CDYL: variants seen among roughly 807,000 people sequenced by gnomAD.
CDYL encodes the protein chromodomain Y like, also known as chromodomain Y-like protein.
Under a neutral mutation model 47.3 loss-of-function variants are expected in CDYL, and 8 were observed. That is an observed-to-expected ratio of 0.17 (90% CI 0.10 to 0.31). The LOEUF (loss-of-function observed/expected upper bound fraction) is 0.31. CDYL is among the 10% of genes least tolerant of loss of function. CDYL has a pLI of 1.00. For synonymous variants in CDYL, 266 were observed against 265.0 expected (o/e 1.00, Z -0.04); for missense variants, 471 against 701.4 (o/e 0.67, Z 3.71).
At chr6:4,938,707 A>G (rs1758276477) in intron 4 of CDYL, among the ~76,000 whole-genome samples, 1 of 152,212 alleles carries the variant, frequency 6.6e-6, no homozygotes, top group African/African-American at 2.4e-5. Context: ...TATTTCATAT[A>G]TACACACAAA....
chr6:4,706,486 T>C (rs528033583), intron 1 of CDYL, among the ~76,000 whole-genome samples: 3 of 152,094 alleles, frequency 2.0e-5, no homozygotes, highest in South Asian at 4.2e-4. Context: ...TTATAGAGAA[T>C]TTAAGAGTTT....
intron 2 of CDYL, among the ~76,000 whole-genome samples, chr6:4,902,038 C>T (rs147672481): frequency 4.6e-5 from 7 of 152,238 alleles, no homozygotes; most frequent in African/African-American, 1.4e-4. Context: ...TTCATCTAAA[C>T]TCTGTAACCT....
In CDYL at chr6:4,935,670, A is replaced by G. The variant is rs1758170589; in HGVS notation, c.847A>G (p.Ser283Gly). The change falls in exon 3 of 7, where the codon AGT (serine) becomes GGT (glycine). Residue 283 changes from serine (S) to glycine (G), a missense_variant. Ser to Gly is a moderately conservative substitution (Grantham distance 56). Transcript: ENST00000397588. Reference protein sequence around the residue: ...RLRFSVRQTESAYRYRDIVVR... With the variant: ...RLRFSVRQTEGAYRYRDIVVR... ...GCGTTTCAGCGTGAGGCAAACAGAA[A>G]GTGCCTACAGATACAGAGATATTGT... 1 of 1,614,152 alleles carries G rather than the reference A, an allele frequency of 6.2e-7. No homozygotes were observed. Among genetic ancestry groups the G allele is most frequent in the Non-Finnish European group, 8.5e-7 (1 of 1,180,060 alleles).
intron 1 of CDYL, among the ~76,000 whole-genome samples, chr6:4,802,351 A>G (rs1432018806): frequency 6.6e-6 from 1 of 152,192 alleles, no homozygotes; most frequent in Admixed American, 6.5e-5. Flanking sequence ...AAGCCTGGGC[A>G]ACATAGTGAG....
intron 1 of CDYL, among the ~76,000 whole-genome samples, chr6:4,860,513 A>AT (rs1374977057): frequency 6.8e-6 from 1 of 147,498 alleles, no homozygotes; most frequent in Admixed American, 6.8e-5. Flanking sequence ...ATATATAAAA[A>AT]ATATATATAT....
chr6:4,881,001 A>G (rs145013055), intron 1 of CDYL, among the ~76,000 whole-genome samples: 85 of 152,288 alleles, frequency 5.6e-4, no homozygotes, highest in African/African-American at 2.0e-3. Context: ...TATTATTTAC[A>G]TAGCATTTTC....
intron 1 of CDYL, among the ~76,000 whole-genome samples, chr6:4,832,130 G>A (rs1760164152): frequency 1.3e-5 from 2 of 151,950 alleles, no homozygotes; most frequent in African/African-American, 2.4e-5. Flanking sequence ...GGAGTGGTGA[G>A]AGAGGGCATC....
At chr6:4,941,612 C>CA (rs113944013) in intron 4 of CDYL, among the ~76,000 whole-genome samples, 7 of 152,032 alleles carry the variant, frequency 4.6e-5, no homozygotes, top group African/African-American at 2.4e-5. Context: ...ATTTCAGTTC[C>CA]AAAAAATGCC....
chr6:4,726,531 CA>C (rs58148317), intron 2 of CDYL, among the ~76,000 whole-genome samples: 17,227 of 100,232 alleles, frequency 0.17, 1,250 homozygotes, highest in African/African-American at 0.3. Context: ...GACTCTGTCT[CA>C]AAAAAAAAAA....
At chr6:4,798,420 C>G (rs1236625781) in intron 1 of CDYL, among the ~76,000 whole-genome samples, 1 of 152,118 alleles carries the variant, frequency 6.6e-6, no homozygotes, top group East Asian at 1.9e-4. Context: ...AGTCTTAGAG[C>G]TGATGAAAAG....
chr6:4,810,002 G>A (rs1223013677), intron 1 of CDYL, among the ~76,000 whole-genome samples: 1 of 151,990 alleles, frequency 6.6e-6, no homozygotes, highest in Non-Finnish European at 1.5e-5. Context: ...TGTATAGTAG[G>A]GGTATTATAT....
intron 3 of CDYL, among the ~76,000 whole-genome samples, chr6:4,769,075 G>A (rs990745095): frequency 2.0e-5 from 3 of 152,194 alleles, no homozygotes; most frequent in Non-Finnish European, 2.9e-5. Context: ...AGAAGCGTAA[G>A]GAGACAGGAG....
intron 1 of CDYL, among the ~76,000 whole-genome samples, chr6:4,890,720 A>G (rs376000591): frequency 1.3e-5 from 2 of 152,226 alleles, no homozygotes; most frequent in Admixed American, 6.5e-5. Flanking sequence ...ACTGCCAGAA[A>G]TGTACTGACG....
At chr6:4,841,230 T>C (rs1039968752) in intron 1 of CDYL, among the ~76,000 whole-genome samples, 30 of 152,194 alleles carry the variant, frequency 2.0e-4, no homozygotes, top group African/African-American at 7.2e-4. Context: ...GAATAAACTT[T>C]TGTATTTCTG....
intron 3 of CDYL, among the ~76,000 whole-genome samples, chr6:4,759,774 G>T (rs1166300991): frequency 2.0e-5 from 3 of 150,132 alleles, no homozygotes; most frequent in Admixed American, 2.0e-4. Context: ...AGCTACTCAG[G>T]AGGCTGAGGC....
chr6:4,799,339 A>G (rs1208336003), intron 1 of CDYL, among the ~76,000 whole-genome samples: 1 of 152,154 alleles, frequency 6.6e-6, no homozygotes, highest in Non-Finnish European at 1.5e-5. Flanking sequence ...GTCTTGGTGA[A>G]TGTTCTGTGT....
At chr6:4,790,367 C>G (rs1561639166) in intron 1 of CDYL, among the ~76,000 whole-genome samples, 2 of 152,164 alleles carry the variant, frequency 1.3e-5, no homozygotes, top group Non-Finnish European at 2.9e-5. Flanking sequence ...GGTGTTACTG[C>G]TGTGGTTTTG....
chr6:4,899,717 T>A (rs1756960470), intron 2 of CDYL, among the ~76,000 whole-genome samples: 1 of 152,230 alleles, frequency 6.6e-6, no homozygotes, highest in East Asian at 1.9e-4. Flanking sequence ...CAGTTGCCTT[T>A]AGCTAAAAAT....
chr6:4,904,329 T>C (rs114142366), intron 2 of CDYL, among the ~76,000 whole-genome samples: 3,237 of 152,368 alleles, frequency 0.021, 49 homozygotes, highest in South Asian at 0.04. Flanking sequence ...TCCAGTGATA[T>C]GGACCTGATG....
Sources: allele counts gnomAD v4.1 joint callset (sites outside exome capture counted in the v4.1 genomes callset), GRCh38; gene constraint gnomAD v4.1.1; transcripts MANE v1.5; gene names NCBI Gene and HGNC (gene_info 2026-07-23, HGNC 2026-07-21).